The following SPRED1 variants were observed in gnomAD, a reference collection of about 807,000 sequenced individuals.
The protein encoded by SPRED1 is sprouty related EVH1 domain containing 1.
SPRED1 carries 18 observed loss-of-function variants against 52.3 expected under a neutral mutation model. The ratio of observed to expected loss-of-function variants is 0.34; its 90% confidence interval spans 0.24 to 0.51. The LOEUF is 0.51. SPRED1 is among the 20% of genes least tolerant of loss of function. The pLI, the probability that SPRED1 is intolerant of heterozygous loss-of-function variation, is 0.97. For missense variants in SPRED1, 485 were observed against 551.0 expected, an observed-to-expected ratio of 0.88 and a Z score of 1.20; for synonymous variants, 155 against 179.7, an observed-to-expected ratio of 0.86 and a Z score of 1.10.
intron 1 of SPRED1, among the ~76,000 whole-genome samples, chr15:38,299,038 C>G (rs539102334): frequency 3.1e-4 from 47 of 152,112 alleles, no homozygotes; most frequent in African/African-American, 1.1e-3. Flanking sequence ...TTTATGGTAC[C>G]CTGTGTAGTT....
intron 2 of SPRED1, among the ~76,000 whole-genome samples, chr15:38,321,745 C>G (rs924769072): frequency 1.4e-4 from 22 of 152,078 alleles, no homozygotes; most frequent in Non-Finnish European, 2.9e-4. Flanking sequence ...AGGCATGTAC[C>G]TCCACACCCA....
chr15:38,270,813 T>G, intron 1 of SPRED1, among the ~76,000 whole-genome samples: 1 of 152,238 alleles, frequency 6.6e-6, no homozygotes, highest in East Asian at 1.9e-4. Context: ...AATGTATGTA[T>G]GTATGTATAT....
chr15:38,333,082 C>G (rs1895837418), intron 4 of SPRED1, among the ~76,000 whole-genome samples: 1 of 152,130 alleles, frequency 6.6e-6, no homozygotes, highest in Non-Finnish European at 1.5e-5. Context: ...TAGATTTCCA[C>G]ATATGAATTT....
chr15:38,336,840 CTGTT>C (rs1200399825), intron 4 of SPRED1, among the ~76,000 whole-genome samples: 2 of 152,066 alleles, frequency 1.3e-5, no homozygotes, highest in African/African-American at 2.4e-5. Context: ...ACAGTGTACA[CTGTT>C]TGGGTGATGG....
chr15:38,314,638 A>G (rs940268857), intron 2 of SPRED1, among the ~76,000 whole-genome samples: 5 of 151,874 alleles, frequency 3.3e-5, no homozygotes, highest in African/African-American at 1.2e-4. Flanking sequence ...TTATTGGAGT[A>G]TGGGAACTGT....
chr15:38,342,432 T>C (rs1281546114), intron 5 of SPRED1, among the ~76,000 whole-genome samples: 1 of 152,114 alleles, frequency 6.6e-6, no homozygotes, highest in Non-Finnish European at 1.5e-5. Context: ...AAAAATACTA[T>C]TTTAAACAGT....
At chr15:38,253,331 G>A (rs2140943581) in intron 1 of SPRED1, 114 bp downstream of exon 1, 2 of 983,382 alleles carry the variant, frequency 2.0e-6, no homozygotes, top group Non-Finnish European at 1.6e-6. Context: ...TGGAGAGTTC[G>A]GTGCATCTTC....
At chr15:38,319,926 C>G (rs1198727412) in intron 2 of SPRED1, among the ~76,000 whole-genome samples, 3 of 152,186 alleles carry the variant, frequency 2.0e-5, no homozygotes, top group African/African-American at 7.2e-5. Context: ...TCTACCATGG[C>G]TGCTTTTACT....
intron 1 of SPRED1, among the ~76,000 whole-genome samples, chr15:38,268,856 C>A (rs60344479): frequency 0.041 from 6,296 of 152,090 alleles, 443 homozygotes; most frequent in African/African-American, 0.14. Flanking sequence ...TCCTATCTAC[C>A]TCAGTACATT....
chr15:38,304,145 AG>A (rs1437364921), intron 2 of SPRED1, among the ~76,000 whole-genome samples: 2 of 152,354 alleles, frequency 1.3e-5, no homozygotes, highest in African/African-American at 4.8e-5. Flanking sequence ...GTTATAATAT[AG>A]CAGTAGCTTT....
In SPRED1 at chr15:38,293,099, C is replaced by CTTTTTTTTTTTTTTTTTT. The variant is rs66511254; in HGVS notation, c.33-6272_33-6255dup. ...TTAAGTAATTTACCCAAGATTACAA[C>CTTTTTTTTTTTTTTTTTT]TTTTTTTTTTTTTTTTTTTGAGACG... On this transcript the variant is annotated intron_variant, in intron 1 of 6. Transcript: ENST00000299084. Among the ~76,000 whole-genome samples, 31 of 90,732 alleles carry CTTTTTTTTTTTTTTTTTT rather than the reference C, an allele frequency of 3.4e-4. 4 individuals are homozygous for CTTTTTTTTTTTTTTTTTT. Among genetic ancestry groups the CTTTTTTTTTTTTTTTTTT allele is most frequent in the Non-Finnish European group, 4.4e-4 (22 of 50,276 alleles). 59.5% of individuals were successfully genotyped at this position (90,732 alleles called of 152,430 possible).
intron 4 of SPRED1, among the ~76,000 whole-genome samples, chr15:38,338,610 C>T (rs1453938514): frequency 6.6e-6 from 1 of 152,032 alleles, no homozygotes; most frequent in Non-Finnish European, 1.5e-5. Context: ...TTTAATAGTT[C>T]AATTGCCTAC....
intron 2 of SPRED1, among the ~76,000 whole-genome samples, chr15:38,313,892 CAA>C (rs1895418321): frequency 6.6e-6 from 1 of 151,598 alleles, no homozygotes; most frequent in Non-Finnish European, 1.5e-5. Context: ...TTGCACTACA[CAA>C]ATTTTTATAT....
intron 1 of SPRED1, among the ~76,000 whole-genome samples, chr15:38,258,525 T>G (rs1269635296): frequency 6.6e-6 from 1 of 152,202 alleles, no homozygotes; most frequent in African/African-American, 2.4e-5. Context: ...TGAGATAGTC[T>G]AAGAATGGAG....
At chr15:38,328,325 C>T (rs1895746747) in intron 4 of SPRED1, among the ~76,000 whole-genome samples, 1 of 152,174 alleles carries the variant, frequency 6.6e-6, no homozygotes, top group South Asian at 2.1e-4. Flanking sequence ...TTTGGATGTT[C>T]ATTAATTAAT....
chr15:38,259,939 T>TA (rs745492516), intron 1 of SPRED1, among the ~76,000 whole-genome samples: 12 of 152,214 alleles, frequency 7.9e-5, no homozygotes, highest in Non-Finnish European at 1.6e-4. Context: ...GCTAAGGTAT[T>TA]ATGTTGCTGT....
chr15:38,263,385 A>T (rs1894241597), intron 1 of SPRED1, among the ~76,000 whole-genome samples: 2 of 152,196 alleles, frequency 1.3e-5, no homozygotes, highest in African/African-American at 4.8e-5. Flanking sequence ...TTATAGTGAC[A>T]TCTTCAGCAT....
intron 2 of SPRED1, among the ~76,000 whole-genome samples, chr15:38,303,900 A>G (rs1033778631): frequency 1.1e-4 from 17 of 152,158 alleles, no homozygotes; most frequent in African/African-American, 4.1e-4. Context: ...GGAAATGGAG[A>G]AAGGAAAAAC....
chr15:38,278,323 G>C (rs554247879), intron 1 of SPRED1, among the ~76,000 whole-genome samples: 14 of 152,110 alleles, frequency 9.2e-5, no homozygotes, highest in African/African-American at 3.1e-4. Context: ...CTCTACCAAA[G>C]ATTTAAAAAA....
Sources: allele counts gnomAD v4.1 joint callset (sites outside exome capture counted in the v4.1 genomes callset), GRCh38; gene constraint gnomAD v4.1.1; transcripts MANE v1.5; gene names NCBI Gene and HGNC (gene_info 2026-07-23, HGNC 2026-07-21).